Variants in CBX1 observed in about 807,000 individuals in gnomAD.
The protein encoded by CBX1 is chromobox 1.
Under a neutral mutation model 25.1 loss-of-function variants are expected in CBX1, and 10 were observed. The observed-to-expected ratio is 0.40, with a 90% CI of 0.25 to 0.68. The LOEUF is 0.68. CBX1 is among the 30% of genes least tolerant of loss of function. The probability of loss-of-function intolerance (pLI) is 0.40; values close to 1 mark genes in which losing one functional copy is unlikely to be tolerated. For synonymous variants in CBX1, 63 were observed against 79.4 expected (o/e 0.79, Z 1.10); for missense variants, 106 against 218.5 (o/e 0.49, Z 3.25).
rs2144480698 is a variant in CBX1, at chr17:48,099,922, C to T, written c.-38+1346G>A. Among the ~76,000 whole-genome samples the T allele has an allele frequency of 2.0e-5, 3 of 152,136 alleles. No homozygotes were observed. In the South Asian group the frequency reaches 6.2e-4, roughly 32 times the overall value. ...TTGGGAGGCCGACGCGGGAGGATCA[C>T]GAGGTCAGGAGTTCGAGACCAGCGT... On this transcript the variant is annotated intron_variant, in intron 1 of 4. Transcript: ENST00000225603.
At chr17:48,094,824 A>G (rs554757541) in intron 1 of CBX1, among the ~76,000 whole-genome samples, 5 of 151,284 alleles carry the variant, frequency 3.3e-5, no homozygotes, top group African/African-American at 1.2e-4. Flanking sequence ...AGGCGGGTGG[A>G]TCACTTGACG....
intron 1 of CBX1, among the ~76,000 whole-genome samples, chr17:48,092,273 A>T (rs949145931): frequency 6.6e-6 from 1 of 151,586 alleles, no homozygotes; most frequent in Non-Finnish European, 1.5e-5. Context: ...TACAGGACTG[A>T]GCCACCATGC....
chr17:48,094,548 T>A (rs911402709), intron 1 of CBX1, among the ~76,000 whole-genome samples: 11 of 151,318 alleles, frequency 7.3e-5, no homozygotes, highest in African/African-American at 2.7e-4. Context: ...CCCAGCAACA[T>A]GGTGAAACCC....
chr17:48,087,072 C>T (rs1024357668), intron 1 of CBX1, among the ~76,000 whole-genome samples: 1 of 150,424 alleles, frequency 6.6e-6, no homozygotes, highest in African/African-American at 2.4e-5. Flanking sequence ...GCCTGTAGTC[C>T]CAGCTACTCA....
chr17:48,091,535 CTTTTTTTT>C (rs4053473), intron 1 of CBX1, among the ~76,000 whole-genome samples: 2 of 72,190 alleles, frequency 2.8e-5, no homozygotes, highest in African/African-American at 5.2e-5. Context: ...CCACCATGCC[CTTTTTTTT>C]TTTTTTTTTT....
At chr17:48,086,723 C>G (rs1428698391) in intron 1 of CBX1, among the ~76,000 whole-genome samples, 1 of 150,672 alleles carries the variant, frequency 6.6e-6, no homozygotes, top group Non-Finnish European at 1.5e-5. Context: ...TGGGCGTGGT[C>G]GTGCACATCT....
chr17:48,073,136 C>A (rs549348739), intron 4 of CBX1, among the ~76,000 whole-genome samples: 9 of 147,276 alleles, frequency 6.1e-5, no homozygotes, highest in African/African-American at 1.3e-4. Flanking sequence ...AAAAAAAAAA[C>A]AAACTCTTAT....
chr17:48,071,950 C>A (rs920486291), intron 4 of CBX1, among the ~76,000 whole-genome samples: 4 of 151,950 alleles, frequency 2.6e-5, no homozygotes, highest in African/African-American at 9.7e-5. Context: ...AAAGCCATAT[C>A]CCAGCTGATA....
intron 1 of CBX1, among the ~76,000 whole-genome samples, chr17:48,099,653 C>A (rs1216735641): frequency 6.6e-6 from 1 of 152,150 alleles, no homozygotes; most frequent in African/African-American, 2.4e-5. Flanking sequence ...AAGCCTTGGA[C>A]CTTTCACAAT....
At chr17:48,079,514 GAC>G (rs1382728407) in intron 1 of CBX1, among the ~76,000 whole-genome samples, 1 of 151,804 alleles carries the variant, frequency 6.6e-6, no homozygotes, top group Non-Finnish European at 1.5e-5. Flanking sequence ...TCTTTTTTGA[GAC>G]AGTGTCTCAC....
chr17:48,082,713 T>C (rs1172075576), intron 1 of CBX1, among the ~76,000 whole-genome samples: 1 of 149,336 alleles, frequency 6.7e-6, no homozygotes, highest in African/African-American at 2.6e-5. Context: ...TTTTTTTGTA[T>C]TTTTAGTAAA....
chr17:48,082,378 TG>T (rs1439970193), intron 1 of CBX1, among the ~76,000 whole-genome samples: 1 of 151,190 alleles, frequency 6.6e-6, no homozygotes, highest in Non-Finnish European at 1.5e-5. Flanking sequence ...GGCGGGCACC[TG>T]TAATCCCAGC....
At chr17:48,077,078 G>A in intron 1 of CBX1, 37 bp from the exon 2 acceptor site, 1 of 1,505,640 alleles carries the variant, frequency 6.6e-7, no homozygotes, top group Admixed American at 2.0e-5. Flanking sequence ...GCATTAGGGA[G>A]CACTCTTATT....
chr17:48,098,758 G>A (rs555448771), intron 1 of CBX1, among the ~76,000 whole-genome samples: 5 of 152,204 alleles, frequency 3.3e-5, no homozygotes, highest in East Asian at 1.9e-4. Context: ...AACTCTTCGT[G>A]GAAAGAACCT....
At chr17:48,091,378 CT>C (rs995253792) in intron 1 of CBX1, among the ~76,000 whole-genome samples, 234 of 144,236 alleles carry the variant, frequency 1.6e-3, no homozygotes, top group Middle Eastern at 3.7e-3. Context: ...GATCTTCTAG[CT>C]TTTTTTTTTT....
intron 4 of CBX1, among the ~76,000 whole-genome samples, chr17:48,071,816 T>C (rs1301205397): frequency 1.3e-5 from 2 of 152,184 alleles, no homozygotes; most frequent in Non-Finnish European, 2.9e-5. Context: ...GCCAGGTCAA[T>C]GGACTTAACC....
At chr17:48,072,193 T>C (rs1293545698) in intron 4 of CBX1, among the ~76,000 whole-genome samples, 2 of 152,000 alleles carry the variant, frequency 1.3e-5, no homozygotes, top group Non-Finnish European at 2.9e-5. Flanking sequence ...AGATGGGGTT[T>C]TGCCATCTCT....
At chr17:48,095,391 A>G (rs1207315797) in intron 1 of CBX1, among the ~76,000 whole-genome samples, 1 of 152,084 alleles carries the variant, frequency 6.6e-6, no homozygotes, top group African/African-American at 2.4e-5. Context: ...GGAGTTCGAG[A>G]CCAGCCTGAC....
chr17:48,092,688 G>A (rs574305267), intron 1 of CBX1, among the ~76,000 whole-genome samples: 11 of 151,784 alleles, frequency 7.2e-5, no homozygotes, highest in African/African-American at 1.5e-4. Context: ...TCCTGACCTC[G>A]TGATCCACTT....
Sources: allele counts gnomAD v4.1 joint callset (sites outside exome capture counted in the v4.1 genomes callset), GRCh38; gene constraint gnomAD v4.1.1; transcripts MANE v1.5; gene names NCBI Gene and HGNC (gene_info 2026-07-23, HGNC 2026-07-21).